Variants in SSBP3 observed in about 807,000 individuals in gnomAD.
SSBP3 encodes the protein single stranded DNA binding protein 3.
A neutral mutation model predicts 69.6 loss-of-function variants in SSBP3; 5 were observed. The ratio of observed to expected loss-of-function variants is 0.07; its 90% CI spans 0.04 to 0.15. The LOEUF is 0.15. Among genes scored for constraint, SSBP3 ranks in the 10% least tolerant of loss-of-function variants. SSBP3 has a pLI of 1.00. For synonymous variants in SSBP3, 196 were observed against 193.4 expected (o/e 1.01, Z -0.11); for missense variants, 312 against 534.0 (o/e 0.58, Z 4.10).
intron 4 of SSBP3, among the ~76,000 whole-genome samples, chr1:54,386,958 C>T (rs113149334): frequency 4.6e-5 from 7 of 152,160 alleles, no homozygotes; most frequent in African/African-American, 1.7e-4. Flanking sequence ...GCACCCACCC[C>T]GAGTACATTC....
At chr1:54,376,524 G>C (rs911972873) in intron 4 of SSBP3, among the ~76,000 whole-genome samples, 1 of 152,164 alleles carries the variant, frequency 6.6e-6, no homozygotes, top group South Asian at 2.1e-4. Flanking sequence ...TAATGTGAAG[G>C]AAAAACTCGT....
chr1:54,240,057 T>G (rs879465343), intron 13 of SSBP3, among the ~76,000 whole-genome samples: 5 of 20,390 alleles, frequency 2.5e-4, no homozygotes, highest in African/African-American at 1.2e-3. Flanking sequence ...GGTGTGTGTG[T>G]GTGTGTGTGT....
At chr1:54,334,723 T>A (rs1380034846) in intron 4 of SSBP3, among the ~76,000 whole-genome samples, 3 of 152,232 alleles carry the variant, frequency 2.0e-5, no homozygotes, top group African/African-American at 7.2e-5. Context: ...AACAACATCA[T>A]CTTTCTCCTT....
At chr1:54,317,340 CA>C (rs1646131376) in intron 4 of SSBP3, among the ~76,000 whole-genome samples, 1 of 152,122 alleles carries the variant, frequency 6.6e-6, no homozygotes, top group African/African-American at 2.4e-5. Flanking sequence ...AGTTTGAGAC[CA>C]GTCTGGGCAA....
At chr1:54,402,009 T>G in intron 3 of SSBP3, 64 bp from the exon 4 acceptor site, 1 of 1,412,182 alleles carries the variant, frequency 7.1e-7, no homozygotes, top group Non-Finnish European at 1.0e-6. Flanking sequence ...CAAGGGCAAG[T>G]GCACGATGCA....
At chr1:54,405,159 C>T (rs909421826) in intron 1 of SSBP3, among the ~76,000 whole-genome samples, 9 of 152,142 alleles carry the variant, frequency 5.9e-5, no homozygotes, top group Non-Finnish European at 1.3e-4. Flanking sequence ...AGAGCAGCCC[C>T]CAAACTTGAA....
At chr1:54,363,150 G>A (rs1646976694) in intron 4 of SSBP3, among the ~76,000 whole-genome samples, 1 of 152,116 alleles carries the variant, frequency 6.6e-6, no homozygotes, top group Non-Finnish European at 1.5e-5. Context: ...TGAACAGCTG[G>A]ATACTGTTTG....
chr1:54,351,540 T>C (rs530636070), intron 4 of SSBP3, among the ~76,000 whole-genome samples: 14 of 152,350 alleles, frequency 9.2e-5, no homozygotes, highest in Middle Eastern at 3.4e-3. Context: ...CACTTATGAA[T>C]TGTTGAGGCC....
At chr1:54,346,325 CAA>C (rs879480958) in intron 4 of SSBP3, among the ~76,000 whole-genome samples, 22 of 121,776 alleles carry the variant, frequency 1.8e-4, no homozygotes, top group Non-Finnish European at 2.0e-4. Flanking sequence ...ACTCCATCTC[CAA>C]AAAAAAAAAA....
At chr1:54,226,500 C>G (rs1016488693) in exon 18 of SSBP3, 2 of 152,734 alleles carry the variant, frequency 1.3e-5, no homozygotes, top group African/African-American at 4.8e-5. Flanking sequence ...CCAAAAAAGG[C>G]CTTTTGAAAG....
intron 4 of SSBP3, among the ~76,000 whole-genome samples, chr1:54,379,342 G>A (rs1195285528): frequency 6.6e-6 from 1 of 152,124 alleles, no homozygotes; most frequent in Non-Finnish European, 1.5e-5. Context: ...ACCACACCTG[G>A]AGGTTGTGAG....
chr1:54,331,260 A>T (rs1340632027), intron 4 of SSBP3, among the ~76,000 whole-genome samples: 1 of 152,164 alleles, frequency 6.6e-6, no homozygotes, highest in African/African-American at 2.4e-5. Context: ...ATGCACACAC[A>T]CACTCCCTCA....
chr1:54,405,864 GCCCCCGCCCGCCCGC>G lies in SSBP3; in HGVS notation c.56+74_56+88del. The G allele has an allele frequency of 2.2e-5, 3 of 138,856 alleles. 1 individual carries two copies. The highest frequency in any genetic ancestry group is 4.5e-5 in the Non-Finnish European group (3 of 66,626). The allele number at this position is 138,856 out of a possible 1,614,324, so 8.6% of individuals were successfully genotyped here. ...GGACCCGAGGGCGCAGCAGCCTCCG[GCCCCCGCCCGCCCGC>G]CCACCTGCCTCCCACCGCCCGCCCG... On this transcript the variant is annotated intron_variant, in intron 1 of 17. Coordinates refer to ENST00000610401, the Ensembl canonical transcript of SSBP3.
At chr1:54,238,505 G>A (rs377393865) in intron 14 of SSBP3, 6 of 370,596 alleles carry the variant, frequency 1.6e-5, no homozygotes, top group South Asian at 8.5e-5. Flanking sequence ...CCCTGGGTGA[G>A]GAGACAGGCT....
intron 5 of SSBP3, among the ~76,000 whole-genome samples, chr1:54,263,041 G>A (rs1056770848): frequency 6.6e-6 from 1 of 152,192 alleles, no homozygotes; most frequent in African/African-American, 2.4e-5. Flanking sequence ...GCACTGGGTA[G>A]TGTTCCATCC....
At chr1:54,410,854 G>T (rs1046949584), upstream of SSBP3, among the ~76,000 whole-genome samples, 1 of 152,230 alleles carries the variant, frequency 6.6e-6, no homozygotes, top group Non-Finnish European at 1.5e-5. Context: ...TGAGCCCAAG[G>T]TTCTGATGAT....
chr1:54,341,367 T>C (rs1646603161), intron 4 of SSBP3, among the ~76,000 whole-genome samples: 1 of 152,164 alleles, frequency 6.6e-6, no homozygotes. Context: ...TGAAGCCATA[T>C]CCTGACCTCA....
chr1:54,299,086 A>G (rs1281415604), intron 4 of SSBP3, among the ~76,000 whole-genome samples: 2 of 152,082 alleles, frequency 1.3e-5, no homozygotes, highest in Non-Finnish European at 2.9e-5. Flanking sequence ...GGTTGTTATT[A>G]ATATTTAATA....
intron 14 of SSBP3, among the ~76,000 whole-genome samples, chr1:54,233,574 C>T (rs576366510): frequency 2.1e-5 from 3 of 145,052 alleles, no homozygotes; most frequent in East Asian, 2.1e-4. Context: ...GCCGCCCCGT[C>T]GGGGAGGGAG....
Sources: gnomAD v4.1 joint callset for allele counts (sites outside exome capture counted in the v4.1 genomes callset) on GRCh38, gnomAD v4.1.1 for gene constraint, MANE v1.5 for transcripts, NCBI Gene and HGNC (gene_info 2026-07-23, HGNC 2026-07-21) for gene names.